Variants in ATP10A observed in about 807,000 individuals in gnomAD.
ATP10A encodes phospholipid-transporting ATPase VA.
In ATP10A, 111 loss-of-function variants were observed where a neutral mutation model predicts 147.8. The ratio of observed to expected loss-of-function variants is 0.75; its 90% CI spans 0.64 to 0.88. The LOEUF (loss-of-function observed/expected upper bound fraction) is 0.88. ATP10A is among the 40% of genes least tolerant of loss of function. The pLI is 0.00. For synonymous variants in ATP10A, 875 were observed against 841.6 expected (o/e 1.04, Z -0.69); for missense variants, 1,927 against 1,959.0 (o/e 0.98, Z 0.31).
At chr15:25,733,572 C>T (rs1319056006) in intron 3 of ATP10A, among the ~76,000 whole-genome samples, 1 of 152,210 alleles carries the variant, frequency 6.6e-6, no homozygotes, top group Non-Finnish European at 1.5e-5. Context: ...AGAGGCCCCT[C>T]CTGACCTGTC....
intron 9 of ATP10A, 78 bp from the exon 10 acceptor site, chr15:25,714,319 G>T: frequency 2.2e-6 from 3 of 1,365,372 alleles, no homozygotes; most frequent in East Asian, 2.4e-5. Flanking sequence ...CCCACAGGAT[G>T]CTCCAGGCAC....
Position 25,754,792 on chromosome 15 carries a change from C to T in ATP10A, c.655-18651G>A, listed in dbSNP as rs531579022. ...TGGAAAAATCTTACTAAAGATAATC[C>T]GGAATTACAGCAGCCATTATGTAAA... is the stretch of plus-strand genomic sequence containing the variant. On this transcript the variant is annotated intron_variant, in intron 2 of 20. Transcript: ENST00000555815. 1.6e-4 allele frequency among the ~76,000 whole-genome samples: 24 copies of T among 152,094 alleles called. 1 individual carries two copies. Among genetic ancestry groups the T allele is most frequent in the African/African-American group, 4.3e-4 (18 of 41,468 alleles).
chr15:25,764,985 G>A (rs1888947749), intron 2 of ATP10A, among the ~76,000 whole-genome samples: 1 of 152,218 alleles, frequency 6.6e-6, no homozygotes, highest in African/African-American at 2.4e-5. Context: ...CCCGGCTGAA[G>A]CGTTTGTCTG....
chr15:25,768,014 C>T (rs1009174657), intron 2 of ATP10A, among the ~76,000 whole-genome samples: 1 of 152,232 alleles, frequency 6.6e-6, no homozygotes. Context: ...CCAGGGCTGG[C>T]TCCCAAAGTC....
chr15:25,787,611 T>TAAA (rs745619844), intron 1 of ATP10A, among the ~76,000 whole-genome samples: 1 of 90,028 alleles, frequency 1.1e-5, no homozygotes, highest in Admixed American at 1.2e-4. Context: ...GACTCCTTCT[T>TAAA]AAAAAAAAAA....
At chr15:25,795,465 T>C (rs1890630687) in intron 1 of ATP10A, among the ~76,000 whole-genome samples, 1 of 152,168 alleles carries the variant, frequency 6.6e-6, no homozygotes, top group Non-Finnish European at 1.5e-5. Context: ...CCTTTCCTAT[T>C]GTAAATAGGA....
chr15:25,750,613 T>C (rs1298580092), intron 2 of ATP10A, among the ~76,000 whole-genome samples: 2 of 152,118 alleles, frequency 1.3e-5, no homozygotes, highest in East Asian at 1.9e-4. Context: ...TTTATGAGCA[T>C]GGGTAAGTAA....
rs765921194 is a variant in ATP10A at position 25,862,768 on chromosome 15, A to G, written c.329T>C (p.Leu110Pro). 1 of 1,611,504 alleles carries G rather than the reference A, an allele frequency of 6.2e-7. No homozygotes were observed. Among genetic ancestry groups the G allele is most frequent in the Non-Finnish European group, 8.5e-7 (1 of 1,178,874 alleles). The change falls in exon 1 of 21, where the codon CTG (leucine) becomes CCG (proline). Residue 110 changes from leucine to proline, a missense_variant. By Grantham distance (98) the Leu-to-Pro change is moderately conservative (BLOSUM62 -3). Transcript: ENST00000555815. ...VPAVNAFQPGLALAPVLFILA... is the reference protein window; with the variant it reads ...VPAVNAFQPGPALAPVLFILA... ...GATGAAGAGCACCGGCGCCAGTGCC[A>G]GGCCGGGCTGGAAGGCGTTCACCGC... is the stretch of plus-strand genomic sequence containing the variant.
intron 1 of ATP10A, chr15:25,848,701 C>T (rs1213739247): frequency 6.5e-6 from 1 of 153,798 alleles, no homozygotes; most frequent in East Asian, 2.0e-4. Context: ...TACACTGGGC[C>T]CACAATTCAC....
chr15:25,795,494 T>C (rs551225863), intron 1 of ATP10A, among the ~76,000 whole-genome samples: 2 of 152,306 alleles, frequency 1.3e-5, no homozygotes, highest in African/African-American at 4.8e-5. Flanking sequence ...TGTTTTAACA[T>C]TTTTGGATTT....
intron 1 of ATP10A, among the ~76,000 whole-genome samples, chr15:25,849,190 G>T (rs1893169272): frequency 6.6e-6 from 1 of 152,040 alleles, no homozygotes; most frequent in Non-Finnish European, 1.5e-5. Flanking sequence ...CTGGACCTGG[G>T]GTGATGAGAG....
In ATP10A at chr15:25,727,044, G is replaced by C. The variant is rs561167651; in HGVS notation, c.847+116C>G. 5.6e-6 allele frequency: 4 copies of C among 711,214 alleles called. No homozygotes were observed. In the East Asian group the frequency reaches 1.2e-4, roughly 21 times the overall value. 44.1% of individuals were successfully genotyped at this position (711,214 alleles called of 1,614,324 possible). On this transcript the variant is annotated intron_variant, in intron 4 of 20. Coordinates refer to ENST00000555815, the MANE Select transcript of ATP10A (RefSeq NM_024490.4). ...TGCACTCCAGCCTGGGCGACAGTGC[G>C]AGACTCGTCTCAAAAAAAAAAAATG...
In ATP10A at chr15:25,845,322, T is replaced by TTGTGTGTGTG. The variant is rs746244130; in HGVS notation, c.449+17316_449+17325dup. ...AAATCAGCACGGACCGTTTGTGTGT[T>TTGTGTGTGTG]TGTGTGTGTGTGTGTGTGTGTGTGT... On this transcript the variant is annotated intron_variant, in intron 1 of 20. Transcript: ENST00000555815. Among the ~76,000 whole-genome samples, 117 of 141,716 alleles carry TTGTGTGTGTG rather than the reference T, an allele frequency of 8.3e-4. 1 individual carries two copies. The highest frequency in any genetic ancestry group is 2.6e-3 in the African/African-American group (102 of 39,608). The allele number at this position is 141,716 out of a possible 152,430, so 93.0% of individuals were successfully genotyped here.
chr15:25,674,314 T>A (rs190471077), downstream of ATP10A, among the ~76,000 whole-genome samples: 226 of 152,228 alleles, frequency 1.5e-3, 1 homozygote, highest in Admixed American at 2.6e-3. Flanking sequence ...TGAGAGTGAG[T>A]CTTCATCACA....
chr15:25,855,771 C>A (rs190288104), intron 1 of ATP10A, among the ~76,000 whole-genome samples: 59 of 152,270 alleles, frequency 3.9e-4, no homozygotes, highest in African/African-American at 1.4e-3. Flanking sequence ...TCTCTGCTTA[C>A]TGATGAATGG....
chr15:25,774,013 A>T (rs1889477793), intron 2 of ATP10A, among the ~76,000 whole-genome samples: 1 of 151,502 alleles, frequency 6.6e-6, no homozygotes. Flanking sequence ...TACATTTAGG[A>T]AAATTGGAAA....
At chr15:25,857,799 A>G (rs1893581123) in intron 1 of ATP10A, among the ~76,000 whole-genome samples, 1 of 152,184 alleles carries the variant, frequency 6.6e-6, no homozygotes, top group Non-Finnish European at 1.5e-5. Flanking sequence ...AGAGCAGGGT[A>G]GATCTGGGCT....
chr15:25,847,013 C>T (rs999083814), intron 1 of ATP10A, among the ~76,000 whole-genome samples: 8 of 152,146 alleles, frequency 5.3e-5, no homozygotes, highest in African/African-American at 1.7e-4. Context: ...ACCAGCTACA[C>T]TAAAAAGGAT....
chr15:25,705,670 T>C (rs556568461), intron 12 of ATP10A, among the ~76,000 whole-genome samples: 4 of 152,226 alleles, frequency 2.6e-5, no homozygotes, highest in East Asian at 3.9e-4. Flanking sequence ...TAGCAGGAGA[T>C]GGTAAGTGGT....
Sources: allele counts gnomAD v4.1 joint callset (sites outside exome capture counted in the v4.1 genomes callset), GRCh38; gene constraint gnomAD v4.1.1; transcripts MANE v1.5; gene names NCBI Gene and HGNC (gene_info 2026-07-23, HGNC 2026-07-21).